The following BACH2 variants were observed in gnomAD, a reference collection of about 807,000 sequenced individuals.
BACH2 encodes the protein transcription regulator protein BACH2.
In BACH2, 5 loss-of-function variants were observed where a neutral mutation model predicts 61.8. The ratio of observed to expected loss-of-function variants is 0.08; its 90% CI spans 0.04 to 0.17. BACH2 has a LOEUF of 0.17. Ranked by LOEUF, BACH2 falls within the 10% of genes least tolerant of loss-of-function variation. The pLI is 1.00. For synonymous variants in BACH2, 446 were observed against 440.1 expected (o/e 1.01, Z -0.17); for missense variants, 824 against 1,091.1 (o/e 0.76, Z 3.45).
intron 4 of BACH2, among the ~76,000 whole-genome samples, chr6:90,192,951 G>A (rs1420495970): frequency 3.3e-5 from 5 of 152,206 alleles, no homozygotes; most frequent in African/African-American, 1.2e-4. Context: ...GAAGATACAG[G>A]AGAGTTTGAT....
intron 1 of BACH2, among the ~76,000 whole-genome samples, chr6:90,295,800 G>A (rs577436223): frequency 3.9e-5 from 6 of 152,108 alleles, no homozygotes; most frequent in Admixed American, 3.3e-4. Context: ...CCGATCTTTC[G>A]CTAGGAGAGA....
chr6:90,003,065 A>G (rs1433878733), intron 6 of BACH2, among the ~76,000 whole-genome samples: 1 of 152,206 alleles, frequency 6.6e-6, no homozygotes, highest in Non-Finnish European at 1.5e-5. Context: ...TTGCTGTCTT[A>G]GCCTCTTGTG....
At chr6:90,165,769 C>G (rs1282368110) in intron 4 of BACH2, among the ~76,000 whole-genome samples, 3 of 152,184 alleles carry the variant, frequency 2.0e-5, no homozygotes, top group African/African-American at 7.2e-5. Context: ...CTACAACCAT[C>G]TGATCTTTGA....
chr6:90,057,380 G>A (rs1309383948), intron 5 of BACH2, among the ~76,000 whole-genome samples: 1 of 152,148 alleles, frequency 6.6e-6, no homozygotes, highest in Admixed American at 6.5e-5. Flanking sequence ...TAGAAGAAAC[G>A]GATAAATTCC....
At position 90,008,652 on chromosome 6, in the gene BACH2, C is replaced by A; in HGVS notation, c.193G>T (p.Ala65Ser). The A allele has an allele frequency of 6.2e-7, 1 of 1,614,218 alleles. No individual in the cohort carries two copies. Among genetic ancestry groups the A allele is most frequent in the Non-Finnish European group, 8.5e-7 (1 of 1,180,038 alleles). The change falls in exon 6 of 9, where the codon GCG becomes TCG. Residue 65 changes from alanine to serine, a missense_variant. By Grantham distance (99) the Ala-to-Ser change is moderately conservative. This residue lies in a region of BACH2 where 66 missense variants were observed against 144.8 expected (regional missense o/e 0.46). Coordinates refer to ENST00000257749, the MANE Select transcript of BACH2 (RefSeq NM_021813.4). This position sits in a 1 kb window ranked among gnomAD's most constrained non-coding sequence, Gnocchi z 4.1. ...LAACSEYFWQ[A>S]LVGQTKNDLV... ...TCATTTTTTGTCTGTCCAACCAGCG[C>A]CTGCCAAAAATATTCACTGCATGCG...
intron 5 of BACH2, among the ~76,000 whole-genome samples, chr6:90,057,736 G>A (rs1371554237): frequency 2.6e-5 from 4 of 152,154 alleles, no homozygotes; most frequent in African/African-American, 9.7e-5. Flanking sequence ...GAAAATACTG[G>A]CAAACTGAAT....
chr6:90,172,131 C>A (rs777294979), intron 4 of BACH2, among the ~76,000 whole-genome samples: 156 of 152,098 alleles, frequency 1.0e-3, no homozygotes, highest in Non-Finnish European at 2.0e-3. Context: ...AATGGGCAAA[C>A]CCCACCTCTA....
At chr6:90,080,804 C>T (rs1031016839) in intron 5 of BACH2, 2 of 984,744 alleles carry the variant, frequency 2.0e-6, no homozygotes, top group Non-Finnish European at 2.4e-6. Context: ...GTTCTTTCAT[C>T]GTCTGGTAGT....
chr6:90,248,423 C>T (rs1770704641), intron 3 of BACH2, among the ~76,000 whole-genome samples: 2 of 151,888 alleles, frequency 1.3e-5, no homozygotes, highest in Admixed American at 1.3e-4. Context: ...GGCTCATAGA[C>T]TAATGGGAGA....
At chr6:90,116,526 G>A (rs1362771984) in intron 4 of BACH2, among the ~76,000 whole-genome samples, 2 of 151,992 alleles carry the variant, frequency 1.3e-5, no homozygotes, top group African/African-American at 4.8e-5. Context: ...TAGCATAACT[G>A]GGTGATGCAA....
At chr6:90,014,468 A>ATATATTTT (rs1222156456) in intron 5 of BACH2, among the ~76,000 whole-genome samples, 1 of 32,304 alleles carries the variant, frequency 3.1e-5, no homozygotes, top group African/African-American at 2.1e-4. Context: ...ATATATATAT[A>ATATATTTT]TTTTTTTTTT....
At chr6:90,080,560 T>A (rs1781682775) in intron 5 of BACH2, among the ~76,000 whole-genome samples, 1 of 152,180 alleles carries the variant, frequency 6.6e-6, no homozygotes, top group Non-Finnish European at 1.5e-5. Flanking sequence ...TATTTTTGAT[T>A]ACTATCTTTC....
intron 5 of BACH2, among the ~76,000 whole-genome samples, chr6:90,016,316 T>C (rs550452490): frequency 6.6e-6 from 1 of 152,358 alleles, no homozygotes; most frequent in East Asian, 1.9e-4. Flanking sequence ...ACTTGTTTTC[T>C]ATTTGTTCTT....
intron 4 of BACH2, among the ~76,000 whole-genome samples, chr6:90,122,206 T>C (rs1783656705): frequency 6.6e-6 from 1 of 152,232 alleles, no homozygotes; most frequent in African/African-American, 2.4e-5. Context: ...CTCAAAGCAC[T>C]TCACTGGGGA....
chr6:90,129,465 C>T (rs901732494), intron 4 of BACH2, among the ~76,000 whole-genome samples: 23 of 152,058 alleles, frequency 1.5e-4, no homozygotes, highest in Admixed American at 3.9e-4. Context: ...CCCAACAGGC[C>T]ATGGTGTGTG....
At chr6:89,987,005 G>A (rs911997461) in intron 6 of BACH2, among the ~76,000 whole-genome samples, 1 of 152,156 alleles carries the variant, frequency 6.6e-6, no homozygotes, top group South Asian at 2.1e-4. Context: ...GAAGTGTCTG[G>A]TGATGTGACC....
At chr6:90,026,709 C>T (rs1562379430) in intron 5 of BACH2, among the ~76,000 whole-genome samples, 1 of 152,130 alleles carries the variant, frequency 6.6e-6, no homozygotes, top group Non-Finnish European at 1.5e-5. Flanking sequence ...CCTAAGAGGG[C>T]ACGCGGTTTA....
chr6:90,176,785 T>G (rs1767997297), intron 4 of BACH2, among the ~76,000 whole-genome samples: 1 of 152,126 alleles, frequency 6.6e-6, no homozygotes, highest in Non-Finnish European at 1.5e-5. Flanking sequence ...TGCTCCTGCC[T>G]CCTCCAGTTC....
At chr6:90,206,939 C>G (rs144885502) in intron 3 of BACH2, among the ~76,000 whole-genome samples, 1 of 152,262 alleles carries the variant, frequency 6.6e-6, no homozygotes, top group African/African-American at 2.4e-5. Flanking sequence ...TTCAGGAGGT[C>G]AGTCTTCCAT....
Sources: allele counts gnomAD v4.1 joint callset (sites outside exome capture counted in the v4.1 genomes callset), GRCh38; gene constraint gnomAD v4.1.1; regional missense constraint gnomAD v4.1.1; non-coding constraint Gnocchi (gnomAD v3.1); transcripts MANE v1.5; gene names NCBI Gene and HGNC (gene_info 2026-07-23, HGNC 2026-07-21).